Variants in DCC observed in about 807,000 individuals in gnomAD.
DCC encodes netrin receptor DCC.
In DCC, 58 loss-of-function variants were observed where a neutral mutation model predicts 172.5. The ratio of observed to expected loss-of-function variants is 0.34; its 90% CI spans 0.27 to 0.42. The LOEUF (loss-of-function observed/expected upper bound fraction) is 0.42. DCC is among the 10% of genes least tolerant of loss of function. The pLI is 1.00. For missense variants in DCC, 1,740 were observed against 1,791.0 expected (o/e 0.97, Z 0.51); for synonymous variants, 709 against 644.5 (o/e 1.10, Z -1.52).
At chr18:52,648,439 A>T (rs1356403761) in intron 1 of DCC, among the ~76,000 whole-genome samples, 1 of 152,186 alleles carries the variant, frequency 6.6e-6, no homozygotes, top group Non-Finnish European at 1.5e-5. Flanking sequence ...GTTAGTATAG[A>T]TGATTTGCAA....
intron 2 of DCC, among the ~76,000 whole-genome samples, chr18:52,898,700 A>AT (rs5824974): frequency 0.4 from 58,847 of 148,452 alleles, 11,847 homozygotes; most frequent in Non-Finnish European, 0.47. Flanking sequence ...TTTTTACCTC[A>AT]TTTTTTTTTT....
intron 2 of DCC, among the ~76,000 whole-genome samples, chr18:52,859,139 AAAAATT>A (rs922109720): frequency 4.6e-5 from 7 of 152,154 alleles, no homozygotes; most frequent in South Asian, 2.1e-4. Context: ...TCTGCAAAAA[AAAAATT>A]AAAATTATAA....
At chr18:53,118,650 A>G (rs1453040316) in intron 7 of DCC, among the ~76,000 whole-genome samples, 1 of 151,838 alleles carries the variant, frequency 6.6e-6, no homozygotes, top group Non-Finnish European at 1.5e-5. Flanking sequence ...ATATACATTA[A>G]GTCCTTTATG....
intron 5 of DCC, among the ~76,000 whole-genome samples, chr18:52,990,216 G>C (rs2041362631): frequency 6.6e-6 from 1 of 152,038 alleles, no homozygotes. Context: ...TTATTCTCTT[G>C]TATCCTAGAT....
chr18:53,235,040 T>G (rs2056181189), intron 12 of DCC, among the ~76,000 whole-genome samples: 1 of 152,192 alleles, frequency 6.6e-6, no homozygotes, highest in Non-Finnish European at 1.5e-5. Flanking sequence ...TTCTTTTCAT[T>G]CTAATGTTAA....
intron 12 of DCC, among the ~76,000 whole-genome samples, chr18:53,237,823 C>T (rs1054063084): frequency 3.9e-5 from 6 of 152,118 alleles, no homozygotes; most frequent in Admixed American, 2.0e-4. Context: ...AACCGAGCTG[C>T]TGGCATTAAG....
intron 5 of DCC, among the ~76,000 whole-genome samples, chr18:53,060,123 C>T (rs1177058220): frequency 6.6e-6 from 1 of 152,112 alleles, no homozygotes; most frequent in African/African-American, 2.4e-5. Flanking sequence ...CATGCCTCAG[C>T]CTCCCAAATA....
chr18:52,580,659 T>C (rs2033524429), intron 1 of DCC, among the ~76,000 whole-genome samples: 1 of 152,232 alleles, frequency 6.6e-6, no homozygotes, highest in Non-Finnish European at 1.5e-5. Flanking sequence ...TATGGATGCC[T>C]GGAAGACCTG....
chr18:53,093,795 C>T (rs894217875), intron 7 of DCC, among the ~76,000 whole-genome samples: 1 of 152,108 alleles, frequency 6.6e-6, no homozygotes, highest in African/African-American at 2.4e-5. Flanking sequence ...AGCGCAGACA[C>T]TAAAGAGCTT....
intron 11 of DCC, among the ~76,000 whole-genome samples, chr18:53,212,170 T>G (rs991108955): frequency 2.0e-5 from 3 of 152,166 alleles, no homozygotes; most frequent in African/African-American, 4.8e-5. Flanking sequence ...GGACTTGATC[T>G]GTCCTACAAA....
chr18:53,112,678 A>G (rs10163980), intron 7 of DCC, among the ~76,000 whole-genome samples: 6,385 of 151,674 alleles, frequency 0.042, 207 homozygotes, highest in African/African-American at 0.089. Flanking sequence ...GGGCCTCCTT[A>G]AAAGGATGGG....
intron 5 of DCC, among the ~76,000 whole-genome samples, chr18:53,010,401 A>C (rs2143875833): frequency 6.6e-6 from 1 of 151,828 alleles, no homozygotes; most frequent in Non-Finnish European, 1.5e-5. Context: ...AACACACCCA[A>C]TATTTATTTG....
At chr18:52,841,325 C>T (rs905533583) in intron 2 of DCC, among the ~76,000 whole-genome samples, 3 of 151,256 alleles carry the variant, frequency 2.0e-5, no homozygotes, top group Admixed American at 2.0e-4. Context: ...ATGTAGAGTG[C>T]ATTGTAGGAG....
rs377743782 is a variant in DCC at position 52,488,049 on chromosome 18, T to C, written c.91+147171T>C. On this transcript the variant is annotated intron_variant, in intron 1 of 28. Transcript: ENST00000442544. ...GTTCCCATCCCAATCAAATGTTCCC[T>C]TAATTCTTGGTCAGCAATACATCTG... 6.1e-4 allele frequency among the ~76,000 whole-genome samples: 93 copies of C among 152,200 alleles called. 1 individual carries two copies. The highest frequency in any genetic ancestry group is 2.2e-3 in the African/African-American group (92 of 41,552).
At chr18:53,372,922 C>A (rs2058073627) in intron 15 of DCC, among the ~76,000 whole-genome samples, 1 of 152,076 alleles carries the variant, frequency 6.6e-6, no homozygotes, top group African/African-American at 2.4e-5. Context: ...AGGTTTGTAG[C>A]CCCTTTTAAG....
chr18:53,105,224 A>G (rs1327501011), intron 7 of DCC, among the ~76,000 whole-genome samples: 1 of 152,068 alleles, frequency 6.6e-6, no homozygotes, highest in East Asian at 1.9e-4. Flanking sequence ...GAATTTCCTT[A>G]GCAGGCAGTT....
chr18:53,416,853 CTGAT>C (rs1288310617), intron 21 of DCC, among the ~76,000 whole-genome samples: 1 of 152,152 alleles, frequency 6.6e-6, no homozygotes, highest in Non-Finnish European at 1.5e-5. Context: ...GATTTGTAGA[CTGAT>C]TGATAAATTA....
chr18:52,757,795 A>T (rs911626845), intron 2 of DCC, among the ~76,000 whole-genome samples: 8 of 152,128 alleles, frequency 5.3e-5, no homozygotes, highest in African/African-American at 1.9e-4. Context: ...ATGCTCAGAA[A>T]CTGTGATTTA....
intron 1 of DCC, among the ~76,000 whole-genome samples, chr18:52,716,304 T>G (rs2036382809): frequency 6.6e-6 from 1 of 152,222 alleles, no homozygotes; most frequent in African/African-American, 2.4e-5. Context: ...GATTGTTCCC[T>G]GATAGCAGGG....
Sources: allele counts gnomAD v4.1 joint callset (sites outside exome capture counted in the v4.1 genomes callset), GRCh38; gene constraint gnomAD v4.1.1; transcripts MANE v1.5; gene names NCBI Gene and HGNC (gene_info 2026-07-23, HGNC 2026-07-21).